The following CCSER1 variants were observed in gnomAD, a reference collection of about 807,000 sequenced individuals.
CCSER1 encodes the protein serine-rich coiled-coil domain-containing protein 1.
A neutral mutation model predicts 82.0 loss-of-function variants in CCSER1; 41 were observed. The observed-to-expected ratio is 0.50, with a 90% CI of 0.39 to 0.65. CCSER1 has a LOEUF of 0.65. Ranked by LOEUF, CCSER1 falls within the 30% of genes least tolerant of loss-of-function variation. The pLI is 0.00. For synonymous variants in CCSER1, 414 were observed against 383.9 expected (o/e 1.08, Z -0.92); for missense variants, 1,119 against 1,064.2 (o/e 1.05, Z -0.72).
intron 6 of CCSER1, among the ~76,000 whole-genome samples, chr4:90,633,665 C>T (rs1234951929): frequency 2.6e-5 from 4 of 151,666 alleles, no homozygotes; most frequent in African/African-American, 9.7e-5. Context: ...ATTATAAAAC[C>T]ACAAATCAGT....
At chr4:91,436,807 T>A (rs1004076941) in intron 10 of CCSER1, among the ~76,000 whole-genome samples, 8 of 152,012 alleles carry the variant, frequency 5.3e-5, no homozygotes, top group African/African-American at 1.9e-4. Flanking sequence ...ACAGAGAAAG[T>A]CTAGTCAGAG....
chr4:91,365,804 A>G (rs1314035619), intron 10 of CCSER1, among the ~76,000 whole-genome samples: 2 of 152,180 alleles, frequency 1.3e-5, no homozygotes, highest in African/African-American at 4.8e-5. Flanking sequence ...CAATAAAGGG[A>G]GTTAATGTTT....
chr4:90,291,090 A>G (rs945347309), intron 1 of CCSER1, among the ~76,000 whole-genome samples: 9 of 152,058 alleles, frequency 5.9e-5, no homozygotes, highest in African/African-American at 1.7e-4. Flanking sequence ...ACAATATTCA[A>G]TTACAAGAGA....
At position 90,815,684 on chromosome 4, in the gene CCSER1, G is replaced by T. The variant is rs955715345; in HGVS notation, c.2011-78G>T. 9 of 928,842 alleles carry T rather than the reference G, an allele frequency of 9.7e-6. No individual in the cohort carries two copies. The African/African-American group carries it at 1.3e-4, about 14-fold the overall frequency. 57.5% of individuals were successfully genotyped at this position (928,842 alleles called of 1,614,324 possible). On this transcript the variant is annotated intron_variant, in intron 7 of 10. Coordinates refer to ENST00000509176, the MANE Select transcript of CCSER1 (RefSeq NM_001145065.2). ...TAGTCAGATGCAATTATCTCCCACTGTGTGAAGCTGACTTTCCTTATCAAG... is the reference window on the plus strand; with the variant it reads ...TAGTCAGATGCAATTATCTCCCACTTTGTGAAGCTGACTTTCCTTATCAAG...
At chr4:90,464,081 G>A (rs997618193) in intron 4 of CCSER1, among the ~76,000 whole-genome samples, 2 of 152,080 alleles carry the variant, frequency 1.3e-5, no homozygotes, top group Non-Finnish European at 2.9e-5. Flanking sequence ...AGGGAATACA[G>A]CAATAATAGA....
At chr4:91,554,161 T>C (rs1464803741) in intron 10 of CCSER1, among the ~76,000 whole-genome samples, 2 of 148,394 alleles carry the variant, frequency 1.3e-5, no homozygotes, top group Non-Finnish European at 3.0e-5. Context: ...CACAGGCATG[T>C]TGTTTAATTT....
At chr4:90,883,511 T>A (rs1721650515) in intron 8 of CCSER1, among the ~76,000 whole-genome samples, 1 of 150,628 alleles carries the variant, frequency 6.6e-6, no homozygotes, top group Non-Finnish European at 1.5e-5. Flanking sequence ...CCCTAAAGGA[T>A]GAAAAAGACA....
intron 4 of CCSER1, among the ~76,000 whole-genome samples, chr4:90,461,108 C>G (rs1316633032): frequency 2.1e-5 from 2 of 95,764 alleles, no homozygotes; most frequent in Non-Finnish European, 3.7e-5. Flanking sequence ...CTCTGTCGCC[C>G]AGGCTGGAGT....
intron 1 of CCSER1, among the ~76,000 whole-genome samples, chr4:90,140,661 T>TC (rs1724586569): frequency 7.6e-6 from 1 of 130,858 alleles, no homozygotes; most frequent in Non-Finnish European, 1.6e-5. Context: ...GGTCTACTTT[T>TC]TTTTTTTTTT....
chr4:91,176,428 T>C (rs1211762852), intron 10 of CCSER1, among the ~76,000 whole-genome samples: 1 of 152,248 alleles, frequency 6.6e-6, no homozygotes, highest in Non-Finnish European at 1.5e-5. Context: ...GTGGCCATTT[T>C]CACGATATTG....
chr4:90,228,142 G>A (rs918831051), intron 1 of CCSER1, among the ~76,000 whole-genome samples: 2 of 151,152 alleles, frequency 1.3e-5, no homozygotes, highest in African/African-American at 4.9e-5. Flanking sequence ...AGGCCTGCCT[G>A]CCTCTGGAGG....
chr4:91,156,529 G>T (rs922726056), intron 10 of CCSER1, among the ~76,000 whole-genome samples: 7 of 150,500 alleles, frequency 4.7e-5, no homozygotes, highest in African/African-American at 1.7e-4. Flanking sequence ...TAAATTATTA[G>T]AATTAAATTA....
intron 10 of CCSER1, among the ~76,000 whole-genome samples, chr4:91,511,647 G>T (rs954330255): frequency 6.6e-6 from 1 of 152,102 alleles, no homozygotes; most frequent in Non-Finnish European, 1.5e-5. Context: ...ATTCTTTTGG[G>T]AACATGAACC....
intron 7 of CCSER1, among the ~76,000 whole-genome samples, chr4:90,725,850 G>T (rs536361976): frequency 6.6e-6 from 1 of 151,816 alleles, no homozygotes; most frequent in Non-Finnish European, 1.5e-5. Flanking sequence ...TAATTCAGAT[G>T]TATAAAACTT....
intron 8 of CCSER1, among the ~76,000 whole-genome samples, chr4:90,854,628 A>G (rs571056972): frequency 4.6e-5 from 7 of 152,150 alleles, no homozygotes; most frequent in South Asian, 2.1e-4. Flanking sequence ...GACCTCTATC[A>G]TTTGAGATAT....
chr4:90,761,653 A>T (rs1750425515), intron 7 of CCSER1, among the ~76,000 whole-genome samples: 1 of 152,208 alleles, frequency 6.6e-6, no homozygotes, highest in South Asian at 2.1e-4. Flanking sequence ...AATTTTTAGG[A>T]GTTCATATCT....
intron 9 of CCSER1, among the ~76,000 whole-genome samples, chr4:90,987,095 C>T (rs1204504369): frequency 6.6e-6 from 1 of 151,598 alleles, no homozygotes; most frequent in East Asian, 2.0e-4. Context: ...ACTGCTAAAT[C>T]AGCTTGTGAT....
At chr4:91,002,422 A>G (rs974762490) in intron 9 of CCSER1, among the ~76,000 whole-genome samples, 15 of 152,076 alleles carry the variant, frequency 9.9e-5, no homozygotes, top group African/African-American at 3.4e-4. Context: ...CGTAGTCCCA[A>G]ACTTCTTGGA....
At chr4:91,538,698 C>CATATATTATATATATATAATAT in intron 10 of CCSER1, among the ~76,000 whole-genome samples, 1 of 138,340 alleles carries the variant, frequency 7.2e-6, no homozygotes, top group African/African-American at 2.8e-5. Context: ...TATATATACA[C>CATATATTATATATATATAATAT]ATATATATAT....
Sources: gnomAD v4.1 joint callset for allele counts (sites outside exome capture counted in the v4.1 genomes callset) on GRCh38, gnomAD v4.1.1 for gene constraint, MANE v1.5 for transcripts, NCBI Gene and HGNC (gene_info 2026-07-23, HGNC 2026-07-21) for gene names.